Variants in INCENP observed in about 807,000 individuals in gnomAD.
The protein encoded by INCENP is binds and activates aurora-B and -C in vivo and in vitro.
Under a neutral mutation model 107.3 loss-of-function variants are expected in INCENP, and 43 were observed. The ratio of observed to expected loss-of-function variants is 0.40; its 90% CI spans 0.31 to 0.52. The LOEUF (loss-of-function observed/expected upper bound fraction) is 0.52, where lower values mean the gene tolerates loss of function less well. Among genes scored for constraint, INCENP ranks in the 20% least tolerant of loss-of-function variants. INCENP has a pLI of 0.53. For synonymous variants in INCENP, 488 were observed against 494.4 expected (o/e 0.99, Z 0.17); for missense variants, 1,089 against 1,250.9 (o/e 0.87, Z 1.95).
intron 1 of INCENP, among the ~76,000 whole-genome samples, chr11:62,126,200 G>GTTTTTTTTTT (rs57052675): frequency 1.0e-5 from 1 of 99,980 alleles, no homozygotes; most frequent in Admixed American, 8.6e-5. Context: ...GTTGTGCATG[G>GTTTTTTTTTT]TTTTTTTTTT....
At chr11:62,150,972 A>G (rs1363282567) in intron 18 of INCENP, among the ~76,000 whole-genome samples, 1 of 152,214 alleles carries the variant, frequency 6.6e-6, no homozygotes, top group Middle Eastern at 3.2e-3. Flanking sequence ...ACCTCATCTG[A>G]ACCCTACAGT....
chr11:62,138,883 C>T lies in INCENP; in HGVS notation c.1174-5C>T. On this transcript the variant is annotated splice_region_variant and splice_polypyrimidine_tract_variant and intron_variant, in intron 6 of 18. Transcript: ENST00000394818. ...AGACCCCTAAAGCCTTGGTTCTTTC[C>T]ACAGGTCCCTGAGAACAATGGAAAT... is the stretch of plus-strand genomic sequence containing the variant. 1.2e-6 allele frequency: 2 copies of T among 1,610,984 alleles called. No individual in the cohort carries two copies. Among genetic ancestry groups the T allele is most frequent in the Non-Finnish European group, 1.7e-6 (2 of 1,177,086 alleles).
rs753585971 is a variant in INCENP at position 62,140,997 on chromosome 11, A to G, written c.1546A>G (p.Met516Val). The change falls in exon 10 of 19, where the codon ATG (methionine) becomes GTG (valine). Residue 516 changes from methionine to valine, a missense_variant. Met to Val is a conservative substitution (Grantham distance 21). Transcript: ENST00000394818. ...MTPTSAPRSV[M>V]KSFIKRNTPL... Reference sequence around the variant, plus strand: ...CCCGACCTCAGCCCCACGCAGCGTCATGAAGTCCTTTATTAAGCGCAACAC... The same window carrying G: ...CCCGACCTCAGCCCCACGCAGCGTCGTGAAGTCCTTTATTAAGCGCAACAC... The G allele has an allele frequency of 1.2e-6, 2 of 1,614,062 alleles. No homozygotes were observed. The highest frequency in any genetic ancestry group is 2.2e-5 in the South Asian group (2 of 91,080).
At chr11:62,141,816 C>T (rs1024387292) in intron 11 of INCENP, 2 of 522,468 alleles carry the variant, frequency 3.8e-6, no homozygotes. Flanking sequence ...TCCCTCCTCC[C>T]CTGCACCAGG....
rs759643713 is a variant in INCENP at position 62,151,973 on chromosome 11, C to T, written c.2754C>T (p.His918=). 15 of 1,607,670 alleles carry T rather than the reference C, an allele frequency of 9.3e-6. No homozygotes were observed. Among genetic ancestry groups the T allele is most frequent in the African/African-American group, 2.7e-5 (2 of 74,920 alleles). Residue 918 remains histidine, a synonymous_variant, in exon 19 of 19, where the codon CAC becomes CAT. Coordinates refer to ENST00000394818, the MANE Select transcript of INCENP (RefSeq NM_001040694.2). ...GCCTGGCCTACAGCCTGAAGAAGCACTGAGGCTGGCCTGCGGCCTTCTTGG... is the reference window on the plus strand; with the variant it reads ...GCCTGGCCTACAGCCTGAAGAAGCATTGAGGCTGGCCTGCGGCCTTCTTGG... ...PSSLAYSLKK[H]
intron 9 of INCENP, 26 bp downstream of exon 9, chr11:62,140,847 G>A (rs982374997): frequency 1.2e-6 from 2 of 1,613,652 alleles, no homozygotes; most frequent in African/African-American, 1.3e-5. Flanking sequence ...GCCCTCTCCT[G>A]GAGCCCTGAC....
At chr11:62,150,296 G>C in intron 18 of INCENP, 89 bp downstream of exon 18, 1 of 1,389,424 alleles carries the variant, frequency 7.2e-7, no homozygotes, top group Non-Finnish European at 1.0e-6. Flanking sequence ...GGCTGCTGCG[G>C]TGTTGGGAGG....
At chr11:62,128,446 T>TGTGCTG in intron 2 of INCENP, 145 bp downstream of exon 2, 1 of 856,890 alleles carries the variant, frequency 1.2e-6, no homozygotes, top group East Asian at 2.6e-5. Flanking sequence ...GTGTGTGCAG[T>TGTGCTG]GTGCTGGGGG....
chr11:62,128,376 C>A, intron 2 of INCENP, 75 bp downstream of exon 2: 1 of 1,530,934 alleles, frequency 6.5e-7, no homozygotes, highest in Non-Finnish European at 9.0e-7. Flanking sequence ...GACACAACAG[C>A]CCCTCGTCCC....
At chr11:62,139,254 G>A (rs983259914) in intron 7 of INCENP, among the ~76,000 whole-genome samples, 6 of 152,152 alleles carry the variant, frequency 3.9e-5, no homozygotes, top group Non-Finnish European at 7.4e-5. Flanking sequence ...AGAGGAAGGG[G>A]CTGCATCGGG....
intron 11 of INCENP, 57 bp from the exon 12 acceptor site, chr11:62,144,925 C>A: frequency 6.7e-7 from 1 of 1,486,996 alleles, no homozygotes; most frequent in Non-Finnish European, 9.3e-7. Flanking sequence ...GCTTTTGGGG[C>A]TGGGTGGGGG....
At chr11:62,143,212 T>TC (rs1457601753) in intron 11 of INCENP, among the ~76,000 whole-genome samples, 7 of 151,734 alleles carry the variant, frequency 4.6e-5, no homozygotes, top group South Asian at 4.2e-4. Context: ...TTGGCAGCTT[T>TC]TCTTCAACTG....
intron 1 of INCENP, 147 bp from the exon 2 acceptor site, chr11:62,128,004 G>C (rs3825035): frequency 2.9e-6 from 2 of 695,136 alleles, no homozygotes; most frequent in Non-Finnish European, 4.9e-6. Context: ...TGCAGCTCTG[G>C]GGAGTGGCTG....
rs377464277 is a variant in INCENP at position 62,141,454 on chromosome 11, C to T, written c.1594-46C>T. 71 of 1,613,526 alleles carry T rather than the reference C, an allele frequency of 4.4e-5. No individual in the cohort carries two copies. The South Asian group carries it at 7.5e-4, about 17-fold the overall frequency. On this transcript the variant is annotated intron_variant, in intron 10 of 18. Coordinates refer to ENST00000394818, the MANE Select transcript of INCENP (RefSeq NM_001040694.2). ...ATGTGGCCTGCCCGGCAGGATGCTC[C>T]CCGGCCTGGCATTAACTCTTGCCTT... is the stretch of plus-strand genomic sequence containing the variant.
chr11:62,130,355 A>G lies in INCENP; in HGVS notation c.828A>G (p.Pro276=), dbSNP rs771395555. 2.6e-5 allele frequency: 42 copies of G among 1,612,118 alleles called. No homozygotes were observed. The highest frequency in any genetic ancestry group is 4.0e-5 in the African/African-American group (3 of 74,892). The change falls in exon 4 of 19, where the codon CCA becomes CCG. Residue 276 remains proline (P), a synonymous_variant. Coordinates refer to ENST00000394818, the MANE Select transcript of INCENP (RefSeq NM_001040694.2). ...ACTCGCCAGCCTTTCCAGATTCTCCATGGCGGGAGCGGGTGCTGGCTCCCA... is the reference window on the plus strand; with the variant it reads ...ACTCGCCAGCCTTTCCAGATTCTCCGTGGCGGGAGCGGGTGCTGGCTCCCA... ...PRDSPAFPDS[P]WRERVLAPIL...
At chr11:62,144,225 G>A (rs918756378) in intron 11 of INCENP, among the ~76,000 whole-genome samples, 11 of 151,870 alleles carry the variant, frequency 7.2e-5, no homozygotes, top group Admixed American at 7.2e-4. Context: ...CCAGCTACTC[G>A]CGAGGCTGAG....
rs117581033 is a variant in INCENP, at chr11:62,138,187, G to T, written c.1115+304G>T. On this transcript the variant is annotated intron_variant, in intron 5 of 18. Coordinates refer to ENST00000394818, the MANE Select transcript of INCENP (RefSeq NM_001040694.2). ...AAGAGCTACATTCAAACTGGCTGGGGTAGGATAGGAGTGCTCCAGGATTAC... is the reference window on the plus strand; with the variant it reads ...AAGAGCTACATTCAAACTGGCTGGGTTAGGATAGGAGTGCTCCAGGATTAC... Among the ~76,000 whole-genome samples, 687 of 152,296 alleles carry T rather than the reference G, an allele frequency of 4.5e-3. 3 individuals are homozygous for T. Among genetic ancestry groups the T allele is most frequent in the Middle Eastern group, 0.01 (3 of 294 alleles).
At chr11:62,129,196 G>C (rs2134613862) in intron 3 of INCENP, among the ~76,000 whole-genome samples, 1 of 152,318 alleles carries the variant, frequency 6.6e-6, no homozygotes, top group South Asian at 2.1e-4. Flanking sequence ...TCTGTTAGGT[G>C]AGTGTGACCA....
In INCENP at chr11:62,145,038, G is replaced by C; in HGVS notation, c.1662G>C (p.Leu554=). Reference sequence around the variant, plus strand: ...GGCGGAAGGAGGAGGCCGAGCAGCTGCGCAGGCAGAAGGTGGAGGAGGACA... The same window carrying C: ...GGCGGAAGGAGGAGGCCGAGCAGCTCCGCAGGCAGAAGGTGGAGGAGGACA... The part of the protein sequence containing the change: ...NLRRKEEAEQ[L]RRQKVEEDKR... Residue 554 remains leucine (L), a synonymous_variant, in exon 12 of 19, where the codon CTG becomes CTC. Transcript: ENST00000394818. 4 of 1,611,620 alleles carry C rather than the reference G, an allele frequency of 2.5e-6. No individual in the cohort carries two copies. The highest frequency in any genetic ancestry group is 3.4e-6 in the Non-Finnish European group (4 of 1,179,326).
Sources: gnomAD v4.1 joint callset for allele counts (sites outside exome capture counted in the v4.1 genomes callset) on GRCh38, gnomAD v4.1.1 for gene constraint, MANE v1.5 for transcripts, NCBI Gene and HGNC (gene_info 2026-07-23, HGNC 2026-07-21) for gene names.